MTAP: variants seen among roughly 807,000 people sequenced by gnomAD.
MTAP encodes the protein S-methyl-5'-thioadenosine phosphorylase.
In MTAP, 33 loss-of-function variants were observed where a neutral mutation model predicts 33.6. The ratio of observed to expected loss-of-function variants is 0.98; its 90% CI spans 0.74 to 1.31. The LOEUF (loss-of-function observed/expected upper bound fraction) is 1.31, where lower values mean the gene tolerates loss of function less well. Among genes scored for constraint, MTAP ranks in the 40% most tolerant of loss-of-function variants. The probability of loss-of-function intolerance (pLI) is 0.00; values close to 1 mark genes in which losing one functional copy is unlikely to be tolerated. For missense variants in MTAP, 367 were observed against 360.0 expected (o/e 1.02, Z -0.16); for synonymous variants, 148 against 125.7 (o/e 1.18, Z -1.19).
chr9:21,855,984 A>C (rs141487354), intron 6 of MTAP: 1 of 168,914 alleles, frequency 5.9e-6, no homozygotes, highest in Non-Finnish European at 1.2e-5. Flanking sequence ...CAGTCTCATA[A>C]TTTTTAACAA....
chr9:21,866,121 A>G lies in MTAP; in HGVS notation c.*4107A>G, dbSNP rs572025534. The G allele has an allele frequency of 1.3e-5, 2 of 151,988 alleles. No homozygotes were observed. The highest frequency in any genetic ancestry group is 3.9e-4 in the East Asian group (2 of 5,170). 9.4% of individuals were successfully genotyped at this position (151,988 alleles called of 1,614,324 possible). On this transcript the variant is annotated 3_prime_UTR_variant, in exon 8 of 8. Coordinates refer to ENST00000644715, the MANE Select transcript of MTAP (RefSeq NM_002451.4). ...TATATTTTGATATCTCGTGGTTTTG[A>G]TTTGCATTTTTCTGATTAAAGATGT...
intron 1 of MTAP, among the ~76,000 whole-genome samples, chr9:21,920,706 C>T (rs966872599): frequency 6.6e-6 from 1 of 152,278 alleles, no homozygotes; most frequent in East Asian, 1.9e-4. Context: ...AAGTGGTAAA[C>T]ATGCCTTGGA....
chr9:21,832,265 A>C (rs992905923), intron 4 of MTAP, among the ~76,000 whole-genome samples: 1 of 152,154 alleles, frequency 6.6e-6, no homozygotes, highest in Non-Finnish European at 1.5e-5. Flanking sequence ...CTTCCCCTAG[A>C]ACTTTATGTC....
intron 1 of MTAP, among the ~76,000 whole-genome samples, chr9:21,927,141 C>T (rs1286748026): frequency 2.6e-5 from 4 of 152,192 alleles, no homozygotes; most frequent in Non-Finnish European, 5.9e-5. Context: ...ACTAACCAAA[C>T]CGTTTCAGCT....
chr9:21,830,715 T>C (rs949231053), intron 4 of MTAP, among the ~76,000 whole-genome samples: 4 of 152,186 alleles, frequency 2.6e-5, no homozygotes, highest in Non-Finnish European at 5.9e-5. Context: ...GAGTCACTTA[T>C]GGGAAACTGA....
chr9:21,919,164 G>T (rs1206465680), intron 1 of MTAP, among the ~76,000 whole-genome samples: 1 of 152,194 alleles, frequency 6.6e-6, no homozygotes, highest in Non-Finnish European at 1.5e-5. Context: ...AGCTGAAAGA[G>T]AGGAAATTGG....
downstream of MTAP, among the ~76,000 whole-genome samples, chr9:21,938,209 G>A (rs761794308): frequency 4.0e-5 from 6 of 151,694 alleles, no homozygotes; most frequent in Non-Finnish European, 7.4e-5. Flanking sequence ...GGGAGGCAGA[G>A]GTTGCAGTGA....
intron 1 of MTAP, among the ~76,000 whole-genome samples, chr9:21,814,412 T>C (rs866435867): frequency 5.1e-4 from 78 of 152,224 alleles, no homozygotes; most frequent in African/African-American, 1.7e-3. Flanking sequence ...AGCTTTTCAT[T>C]GAAAAACAAC....
At chr9:21,807,902 G>T (rs952685249) in intron 1 of MTAP, among the ~76,000 whole-genome samples, 11 of 152,236 alleles carry the variant, frequency 7.2e-5, no homozygotes, top group African/African-American at 2.4e-4. Context: ...AGGTACAGCT[G>T]AGGAAGCAGT....
chr9:21,821,595 T>C lies in MTAP; in HGVS notation c.347+3393T>C, dbSNP rs547503737. Among the ~76,000 whole-genome samples the C allele has an allele frequency of 1.1e-4, 16 of 152,274 alleles. 1 individual carries two copies. The highest frequency in any genetic ancestry group is 3.8e-4 in the African/African-American group (16 of 41,562). On this transcript the variant is annotated intron_variant, in intron 4 of 7. Coordinates refer to ENST00000644715, the MANE Select transcript of MTAP (RefSeq NM_002451.4). ...ATTGGTCTAAAATTGTCTTTTTTGG[T>C]TGTGTCTCTGCCAGGCTTTGGTATC...
chr9:21,924,734 C>T (rs1157494037), intron 1 of MTAP, among the ~76,000 whole-genome samples: 1 of 152,216 alleles, frequency 6.6e-6, no homozygotes, highest in Non-Finnish European at 1.5e-5. Context: ...CCTTCCCTTC[C>T]CTACCCAGGG....
At chr9:21,886,865 A>G (rs1430562096) in intron 1 of MTAP, among the ~76,000 whole-genome samples, 1 of 152,098 alleles carries the variant, frequency 6.6e-6, no homozygotes. Context: ...TTGAAGTTGG[A>G]TAATATGATA....
At chr9:21,818,953 T>C (rs1824557948) in intron 4 of MTAP, among the ~76,000 whole-genome samples, 1 of 152,186 alleles carries the variant, frequency 6.6e-6, no homozygotes, top group Non-Finnish European at 1.5e-5. Flanking sequence ...TTCTACTCTT[T>C]ACTTCTATGA....
chr9:21,802,905 G>A (rs1339957381), intron 1 of MTAP, 124 bp downstream of exon 1: 18 of 1,457,738 alleles, frequency 1.2e-5, no homozygotes, highest in Non-Finnish European at 1.6e-5. Context: ...CCGCGGGGAG[G>A]GACTGGGGCG....
Position 21,920,255 on chromosome 9 carries a change from C to T in MTAP, c.148-10753C>T, listed in dbSNP as rs79695656. Among the ~76,000 whole-genome samples the T allele has an allele frequency of 3.2e-4, 48 of 152,162 alleles. No homozygotes were observed. The East Asian group carries it at 8.3e-3, about 26-fold the overall frequency. On this transcript the variant is annotated intron_variant, in intron 1 of 1. Coordinates refer to the MTAP transcript ENST00000577563. ...GGATCAAGAAAAAATTAGCCCATGA[C>T]CAGAGAGAGCTGTGAGAGTATAAAT... is the stretch of plus-strand genomic sequence containing the variant.
chr9:21,805,855 A>C (rs1824194329), intron 1 of MTAP, among the ~76,000 whole-genome samples: 1 of 152,200 alleles, frequency 6.6e-6, no homozygotes, highest in Non-Finnish European at 1.5e-5. Flanking sequence ...TAGCAGCCTG[A>C]ATGGACTTAA....
intron 4 of MTAP, among the ~76,000 whole-genome samples, chr9:21,828,701 A>T (rs1205414914): frequency 6.6e-6 from 1 of 152,162 alleles, no homozygotes; most frequent in African/African-American, 2.4e-5. Flanking sequence ...TCCCTAAGAG[A>T]ATATAATTTA....
At chr9:21,899,530 G>C (rs1385966708) in intron 1 of MTAP, among the ~76,000 whole-genome samples, 3 of 152,122 alleles carry the variant, frequency 2.0e-5, no homozygotes, top group Admixed American at 1.3e-4. Flanking sequence ...GTTCAGCATG[G>C]CTGGGGAGGC....
At chr9:21,918,716 T>C (rs1818735798) in intron 1 of MTAP, among the ~76,000 whole-genome samples, 2 of 152,144 alleles carry the variant, frequency 1.3e-5, no homozygotes. Context: ...AGTGAATAAA[T>C]CTCACAAGAT....
Sources: allele counts gnomAD v4.1 joint callset (sites outside exome capture counted in the v4.1 genomes callset), GRCh38; gene constraint gnomAD v4.1.1; transcripts MANE v1.5; gene names NCBI Gene and HGNC (gene_info 2026-07-23, HGNC 2026-07-21).